Variants in SLC29A2 observed in about 807,000 individuals in gnomAD.
SLC29A2 encodes solute carrier family 29 member 2, also known as equilibrative nucleoside transporter 2.
A neutral mutation model predicts 48.8 loss-of-function variants in SLC29A2; 37 were observed. That is an observed-to-expected ratio of 0.76 (90% CI 0.58 to 1.00). The LOEUF (loss-of-function observed/expected upper bound fraction) is 1.00, where lower values mean the gene tolerates loss of function less well. SLC29A2 is among the 50% of genes least tolerant of loss of function. The pLI is 0.00. For synonymous variants in SLC29A2, 233 were observed against 261.7 expected, an observed-to-expected ratio of 0.89 and a Z score of 1.06; for missense variants, 533 against 578.6, an observed-to-expected ratio of 0.92 and a Z score of 0.81.
In SLC29A2 at chr11:66,363,300, C is replaced by T. The variant is rs754349659; in HGVS notation, c.*136G>A. 24 of 724,846 alleles carry T rather than the reference C, an allele frequency of 3.3e-5. No individual in the cohort carries two copies. The highest frequency in any genetic ancestry group is 1.8e-4 in the Admixed American group (9 of 48,954). 44.9% of individuals were successfully genotyped at this position (724,846 alleles called of 1,614,324 possible). ...AAGTGGATGAAGAGCAGCTCCTGCC[C>T]GCTGCTGGCAGCCTCAGGCCCAGGG... On this transcript the variant is annotated 3_prime_UTR_variant, in exon 12 of 12. Coordinates refer to ENST00000357440, the MANE Select transcript of SLC29A2 (RefSeq NM_001532.3).
intron 6 of SLC29A2, 33 bp downstream of exon 6, chr11:66,367,739 G>A: frequency 6.3e-7 from 1 of 1,592,010 alleles, no homozygotes; most frequent in Non-Finnish European, 8.6e-7. Flanking sequence ...AAGATGCTTT[G>A]AGGTGGGGCC....
At position 66,366,315 on chromosome 11, in the gene SLC29A2, C is replaced by T. The variant is rs1303760846; in HGVS notation, c.868-84G>A. ...GCCCAAGCCCCATGTGGGAGCAGGACACTTGGGGCCTGGCCCAGCTGTGTC... is the reference window on the plus strand; with the variant it reads ...GCCCAAGCCCCATGTGGGAGCAGGATACTTGGGGCCTGGCCCAGCTGTGTC... On this transcript the variant is annotated intron_variant, in intron 8 of 11. Coordinates refer to ENST00000357440, the MANE Select transcript of SLC29A2 (RefSeq NM_001532.3). 3.1e-6 allele frequency: 5 copies of T among 1,601,138 alleles called. No individual in the cohort carries two copies. The Admixed American group carries it at 5.0e-5, about 16-fold the overall frequency.
chr11:66,364,021 G>T (rs1478112700), intron 11 of SLC29A2, among the ~76,000 whole-genome samples: 21 of 152,272 alleles, frequency 1.4e-4, no homozygotes, highest in African/African-American at 4.8e-4. Flanking sequence ...GGGCTACTTG[G>T]TTGGGCGGGT....
rs1855475733 is a variant in SLC29A2 at position 66,363,263 on chromosome 11, C to CCG, written c.*172_*173insCG. On this transcript the variant is annotated 3_prime_UTR_variant, in exon 12 of 12. Transcript: ENST00000357440. ...AGAATGACCGGTGGTGATTTCTTCC[C>CCG]CACAGCACTCCAAGTGGATGAAGAG... 2 of 675,852 alleles carry CCG rather than the reference C, an allele frequency of 3.0e-6. No homozygotes were observed. The highest frequency in any genetic ancestry group is 3.6e-5 in the African/African-American group (2 of 55,878). 41.9% of individuals were successfully genotyped at this position (675,852 alleles called of 1,614,324 possible).
At chr11:66,371,954 T>C, upstream of SLC29A2, 1 of 348,308 alleles carries the variant, frequency 2.9e-6, no homozygotes, top group Non-Finnish European at 5.3e-6. Flanking sequence ...CGGGGGCGGG[T>C]CCCGGATCCC....
Position 66,367,113 on chromosome 11 carries a change from T to C in SLC29A2, c.733+351A>G, listed in dbSNP as rs139282875. ...CCTTAGATGGATTATCTCATTACCA[T>C]TGCTTTACAAATGACACATTGAGGT... On this transcript the variant is annotated intron_variant, in intron 7 of 11. Transcript: ENST00000357440. 3.8e-3 allele frequency among the ~76,000 whole-genome samples: 585 copies of C among 152,332 alleles called. 2 individuals are homozygous for C. The highest frequency in any genetic ancestry group is 0.01 in the Middle Eastern group (3 of 294).
intron 10 of SLC29A2, 118 bp downstream of exon 10, chr11:66,365,818 C>T (rs752040714): frequency 1.0e-6 from 1 of 954,260 alleles, no homozygotes; most frequent in Non-Finnish European, 1.7e-6. Flanking sequence ...GCTGCTTGGC[C>T]AGTGGTTGCA....
chr11:66,363,730 C>A, intron 11 of SLC29A2, 183 bp from the exon 12 acceptor site: 1 of 633,142 alleles, frequency 1.6e-6, no homozygotes, highest in South Asian at 1.7e-5. Context: ...GGATGTCTCT[C>A]AGGGCCTCTG....
intron 2 of SLC29A2, 96 bp downstream of exon 2, chr11:66,371,148 G>T: frequency 4.7e-6 from 5 of 1,059,412 alleles, no homozygotes; most frequent in African/African-American, 1.6e-5. Flanking sequence ...GGTCACAGGT[G>T]CGCGGTGAGG....
chr11:66,365,680 T>C (rs1397786458), intron 10 of SLC29A2, among the ~76,000 whole-genome samples: 5 of 152,196 alleles, frequency 3.3e-5, no homozygotes, highest in African/African-American at 9.7e-5. Flanking sequence ...GGAACCTCCA[T>C]GTAACATTCT....
intron 2 of SLC29A2, 52 bp downstream of exon 2, chr11:66,371,192 G>A (rs1856012725): frequency 6.6e-7 from 1 of 1,521,632 alleles, no homozygotes; most frequent in Admixed American, 1.7e-5. Flanking sequence ...AAGGGCTGGA[G>A]GGAGGGGTGC....
At position 66,362,703 on chromosome 11, in the gene SLC29A2, C is replaced by G. The variant is rs1049915233; in HGVS notation, c.*733G>C. ...GATTGGGTCCCGGCTCTACCACGGACCAGTCACTTTCCCCAGGACTCAGTT... is the reference window on the plus strand; with the variant it reads ...GATTGGGTCCCGGCTCTACCACGGAGCAGTCACTTTCCCCAGGACTCAGTT... On this transcript the variant is annotated 3_prime_UTR_variant, in exon 12 of 12. Transcript: ENST00000357440. 2.6e-5 allele frequency: 4 copies of G among 152,446 alleles called. No individual in the cohort carries two copies. The highest frequency in any genetic ancestry group is 4.1e-4 in the South Asian group (2 of 4,842). 9.4% of individuals were successfully genotyped at this position (152,446 alleles called of 1,614,324 possible). A position where few individuals can be genotyped will look rare whatever the true frequency, so the allele number is the denominator to read the frequency against.
In SLC29A2 at chr11:66,371,647, C is replaced by G; in HGVS notation, c.-56G>C. ...AGGGGCAGAGAAGCCGCACCTGCACCTGCGCTGGGGCGGAGGGCCGCAGAC... is the reference window on the plus strand; with the variant it reads ...AGGGGCAGAGAAGCCGCACCTGCACGTGCGCTGGGGCGGAGGGCCGCAGAC... On this transcript the variant is annotated 5_prime_UTR_variant, in exon 1 of 12. Transcript: ENST00000357440. 6.6e-7 allele frequency: 1 copy of G among 1,520,724 alleles called. No homozygotes were observed. Among genetic ancestry groups the G allele is most frequent in the Non-Finnish European group, 8.8e-7 (1 of 1,133,788 alleles). The allele number at this position is 1,520,724 out of a possible 1,614,324, so 94.2% of individuals were successfully genotyped here.
chr11:66,363,265 A>G lies in SLC29A2; in HGVS notation c.*171T>C, dbSNP rs1039593. 0.98 allele frequency: 666,125 copies of G among 677,206 alleles called. 328,372 individuals are homozygous for G. Among genetic ancestry groups the G allele is most frequent in the East Asian group, 1 (36,303 of 36,304 alleles). 41.9% of individuals were successfully genotyped at this position (677,206 alleles called of 1,614,324 possible). On this transcript the variant is annotated 3_prime_UTR_variant, in exon 12 of 12. Transcript: ENST00000357440. ...AATGACCGGTGGTGATTTCTTCCCC[A>G]CAGCACTCCAAGTGGATGAAGAGCA...
chr11:66,365,273 C>T (rs1590649191), intron 10 of SLC29A2, among the ~76,000 whole-genome samples: 1 of 130,830 alleles, frequency 7.6e-6, no homozygotes, highest in East Asian at 2.4e-4. Flanking sequence ...CCATCTGTCA[C>T]CCCCTGACCT....
rs185387968 is a variant in SLC29A2, at chr11:66,367,858, C to T, written c.562G>A (p.Ala188Thr). ...MLLSMASGVD[A>T]ETSALGYFIT... ...AAGTACCCCAGGGCAGAGGTCTCGGCGTCCACGCCACCTGCGGAGGAACTT... is the reference window on the plus strand; with the variant it reads ...AAGTACCCCAGGGCAGAGGTCTCGGTGTCCACGCCACCTGCGGAGGAACTT... The change falls in exon 6 of 12, where the codon GCC becomes ACC. Residue 188 changes from alanine (A) to threonine (T), a missense_variant. Ala to Thr is a moderately conservative substitution (Grantham distance 58). Coordinates refer to ENST00000357440, the MANE Select transcript of SLC29A2 (RefSeq NM_001532.3). 2.4e-5 allele frequency: 38 copies of T among 1,614,016 alleles called. No homozygotes were observed. Among genetic ancestry groups the T allele is most frequent in the African/African-American group, 2.7e-5 (2 of 75,034 alleles).
At chr11:66,372,407 C>T (rs1050942394), upstream of SLC29A2, among the ~76,000 whole-genome samples, 1 of 152,198 alleles carries the variant, frequency 6.6e-6, no homozygotes, top group Non-Finnish European at 1.5e-5. Context: ...CCGGGCGTAT[C>T]GGGGACGCTG....
At chr11:66,364,522 T>A (rs1307362936) in intron 10 of SLC29A2, 98 bp from the exon 11 acceptor site, 9 of 661,172 alleles carry the variant, frequency 1.4e-5, no homozygotes, top group Non-Finnish European at 1.7e-5. Context: ...TTTTTTTTTT[T>A]AGATGGAGTC....
At chr11:66,369,300 G>A in intron 3 of SLC29A2, 69 bp downstream of exon 3, 1 of 1,606,690 alleles carries the variant, frequency 6.2e-7, no homozygotes, top group East Asian at 2.2e-5. Context: ...TGGGGGGCAG[G>A]GGGCGCAGGG....
Sources: allele counts gnomAD v4.1 joint callset (sites outside exome capture counted in the v4.1 genomes callset), GRCh38; gene constraint gnomAD v4.1.1; transcripts MANE v1.5; gene names NCBI Gene and HGNC (gene_info 2026-07-23, HGNC 2026-07-21).